UBA6: variants seen among roughly 807,000 people sequenced by gnomAD.
UBA6 encodes the protein ubiquitin like modifier activating enzyme 6.
A neutral mutation model predicts 148.3 loss-of-function variants in UBA6; 87 were observed. The observed-to-expected ratio is 0.59, with a 90% CI of 0.49 to 0.70. The LOEUF is 0.70. UBA6 is among the 30% of genes least tolerant of loss of function. UBA6 has a pLI of 0.00. For missense variants in UBA6, 1,186 were observed against 1,241.2 expected, an observed-to-expected ratio of 0.96 and a Z score of 0.67; for synonymous variants, 376 against 401.0, an observed-to-expected ratio of 0.94 and a Z score of 0.75.
At chr4:67,701,010 A>C (rs1189366480) in intron 1 of UBA6, 39 bp downstream of exon 1, 1 of 1,604,286 alleles carries the variant, frequency 6.2e-7, no homozygotes, top group South Asian at 1.1e-5. Flanking sequence ...CCTGGGTCCC[A>C]CCCGCGACCC....
At chr4:67,637,049 G>A (rs1473632215) in intron 19 of UBA6, among the ~76,000 whole-genome samples, 4 of 151,248 alleles carry the variant, frequency 2.6e-5, no homozygotes, top group Non-Finnish European at 4.4e-5. Flanking sequence ...CCGCGACCCT[G>A]TCTGGGAGGT....
chr4:67,668,612 G>A lies in UBA6; in HGVS notation c.732C>T (p.Phe244=), dbSNP rs749976574. 1 of 1,612,810 alleles carries A rather than the reference G, an allele frequency of 6.2e-7. No homozygotes were observed. Among genetic ancestry groups the A allele is most frequent in the Non-Finnish European group, 8.5e-7 (1 of 1,179,012 alleles). The stretch of plus-strand genomic sequence containing the variant: ...TTCCATTAATTTCTCGAAATGTTAG[G>A]AATTGTCCTGTCTCCAGTTTGTGAG... ...NHPHKLETGQ[F]LTFREINGMT... Residue 244 remains phenylalanine (F), a synonymous_variant, in exon 9 of 33, where the codon TTC becomes TTT. Transcript: ENST00000322244.
chr4:67,680,345 A>G (rs1023227984), intron 4 of UBA6, among the ~76,000 whole-genome samples: 2 of 152,208 alleles, frequency 1.3e-5, no homozygotes, highest in Non-Finnish European at 2.9e-5. Context: ...GAGAACAGCT[A>G]TGAAACAGTC....
chr4:67,631,188 C>T (rs930735248), intron 25 of UBA6, among the ~76,000 whole-genome samples: 5 of 151,950 alleles, frequency 3.3e-5, no homozygotes, highest in Admixed American at 2.0e-4. Context: ...TATGTGAGAC[C>T]TTGTCTCTTT....
chr4:67,650,976 C>A (rs1446997149), intron 13 of UBA6, among the ~76,000 whole-genome samples: 3 of 152,104 alleles, frequency 2.0e-5, no homozygotes, highest in Non-Finnish European at 4.4e-5. Flanking sequence ...AAAGGTCATC[C>A]ATTAGAAGCT....
intron 17 of UBA6, among the ~76,000 whole-genome samples, chr4:67,641,450 G>C (rs1476182126): frequency 6.6e-6 from 1 of 152,074 alleles, no homozygotes. Context: ...AAACAAAATA[G>C]CTGAGGCCAA....
intron 6 of UBA6, among the ~76,000 whole-genome samples, chr4:67,676,338 T>C (rs891578217): frequency 2.0e-5 from 3 of 152,194 alleles, no homozygotes; most frequent in Non-Finnish European, 4.4e-5. Context: ...GTACTACTTT[T>C]TACATTAAGT....
intron 3 of UBA6, 96 bp downstream of exon 3, chr4:67,682,023 T>C: frequency 2.2e-6 from 2 of 900,290 alleles, no homozygotes; most frequent in South Asian, 3.2e-5. Flanking sequence ...TGGATCTAAC[T>C]TCCTTTATAG....
intron 3 of UBA6, 142 bp downstream of exon 3, chr4:67,681,977 T>G: frequency 1.5e-6 from 1 of 658,428 alleles, no homozygotes. Flanking sequence ...CGAAATAGTC[T>G]TGACAAAGAT....
intron 25 of UBA6, among the ~76,000 whole-genome samples, chr4:67,631,421 T>C (rs572558391): frequency 3.9e-5 from 6 of 152,306 alleles, no homozygotes; most frequent in African/African-American, 7.2e-5. Context: ...CACATTGTCA[T>C]TTTACTAATT....
Position 67,632,192 on chromosome 4 carries a change from C to T in UBA6, c.2143-284G>A, listed in dbSNP as rs544412253. Among the ~76,000 whole-genome samples, 3 of 152,266 alleles carry T rather than the reference C, an allele frequency of 2.0e-5. No individual in the cohort carries two copies. The South Asian group carries it at 6.2e-4, about 32-fold the overall frequency. ...CAGCAAACAAATGTAGATTACTTCACTCCTTTTTATATAAATGGCATATTT... is the reference window on the plus strand; with the variant it reads ...CAGCAAACAAATGTAGATTACTTCATTCCTTTTTATATAAATGGCATATTT... On this transcript the variant is annotated intron_variant, in intron 23 of 32. Coordinates refer to ENST00000322244, the MANE Select transcript of UBA6 (RefSeq NM_018227.6).
intron 9 of UBA6, among the ~76,000 whole-genome samples, chr4:67,666,704 T>A (rs1476785075): frequency 6.6e-6 from 1 of 151,844 alleles, no homozygotes; most frequent in Non-Finnish European, 1.5e-5. Context: ...AGAGAGATCT[T>A]GTCTCTACAA....
intron 17 of UBA6, among the ~76,000 whole-genome samples, chr4:67,643,163 T>C (rs2109914472): frequency 6.6e-6 from 1 of 152,014 alleles, no homozygotes; most frequent in East Asian, 1.9e-4. Flanking sequence ...GTAACTAACC[T>C]GCACATTGTG....
intron 2 of UBA6, among the ~76,000 whole-genome samples, chr4:67,686,220 T>C (rs1265135285): frequency 6.6e-6 from 1 of 152,208 alleles, no homozygotes; most frequent in Non-Finnish European, 1.5e-5. Context: ...CTTGGGGCCA[T>C]AGAGAACTTG....
At position 67,686,721 on chromosome 4, in the gene UBA6, G is replaced by A. The variant is rs187479930; in HGVS notation, c.135-4508C>T. 2.8e-4 allele frequency among the ~76,000 whole-genome samples: 43 copies of A among 151,976 alleles called. No individual in the cohort carries two copies. The East Asian group carries it at 8.0e-3, about 28-fold the overall frequency. ...AATCCCAGCAATTTGGGAGGCTGAA[G>A]CGGGAGGATCACTTGAGACCAGGAG... On this transcript the variant is annotated intron_variant, in intron 2 of 32. Transcript: ENST00000322244.
At chr4:67,665,862 GA>G (rs1729983826) in intron 9 of UBA6, among the ~76,000 whole-genome samples, 1 of 151,992 alleles carries the variant, frequency 6.6e-6, no homozygotes, top group African/African-American at 2.4e-5. Context: ...AAGCATGGGA[GA>G]AAAATTCCTT....
chr4:67,682,249 T>C (rs1730461409), intron 2 of UBA6, 36 bp from the exon 3 acceptor site: 3 of 1,492,658 alleles, frequency 2.0e-6, no homozygotes, highest in Non-Finnish European at 2.8e-6. Flanking sequence ...AAAAAATTAT[T>C]TCACTGAAAT....
chr4:67,640,528 G>T (rs1419947738), intron 18 of UBA6, among the ~76,000 whole-genome samples: 1 of 152,062 alleles, frequency 6.6e-6, no homozygotes, highest in African/African-American at 2.4e-5. Flanking sequence ...TGCCCAGGCT[G>T]GTCGGGAACT....
intron 18 of UBA6, 138 bp downstream of exon 18, chr4:67,641,013 T>C (rs1209388863): frequency 9.4e-6 from 6 of 639,192 alleles, no homozygotes; most frequent in Non-Finnish European, 2.7e-6. Context: ...ATTTTCCCTT[T>C]TGTCATTTCC....
Sources: allele counts gnomAD v4.1 joint callset (sites outside exome capture counted in the v4.1 genomes callset), GRCh38; gene constraint gnomAD v4.1.1; transcripts MANE v1.5; gene names NCBI Gene and HGNC (gene_info 2026-07-23, HGNC 2026-07-21).